Variants in SYTL2 observed in about 807,000 individuals in gnomAD.
SYTL2 encodes the protein synaptotagmin-like protein 2.
A neutral mutation model predicts 198.7 loss-of-function variants in SYTL2; 165 were observed. That is an observed-to-expected ratio of 0.83 (90% CI 0.73 to 0.94). SYTL2 has a LOEUF of 0.94. Among genes scored for constraint, SYTL2 ranks in the 40% least tolerant of loss-of-function variants. SYTL2 has a pLI of 0.00. For synonymous variants in SYTL2, 966 were observed against 917.7 expected, an observed-to-expected ratio of 1.05 and a Z score of -0.95; for missense variants, 2,835 against 2,582.8, an observed-to-expected ratio of 1.10 and a Z score of -2.12.
chr11:85,724,175 G>A lies in SYTL2; in HGVS notation c.5183C>T (p.Ser1728Phe), dbSNP rs1461729091. 6.2e-7 allele frequency: 1 copy of A among 1,604,074 alleles called. No homozygotes were observed. The highest frequency in any genetic ancestry group is 8.5e-7 in the Non-Finnish European group (1 of 1,177,552). The stretch of plus-strand genomic sequence containing the variant: ...CAATTCAACTTTACTTGTTTTTGTA[G>A]AGTTTTCTTTGTTCATCAGGAGAGG... ...PIPLLMNKENSTKTSKVELTL... is the reference protein window; with the variant it reads ...PIPLLMNKENFTKTSKVELTL... The change falls in exon 8 of 20, where the codon TCT (serine) becomes TTT (phenylalanine). Residue 1728 changes from serine (S) to phenylalanine (F), a missense_variant. Ser to Phe is a radical substitution (Grantham distance 155). Transcript: ENST00000359152.
intron 1 of SYTL2, among the ~76,000 whole-genome samples, chr11:85,766,039 A>G (rs1218638889): frequency 6.6e-6 from 1 of 152,182 alleles, no homozygotes; most frequent in Non-Finnish European, 1.5e-5. Flanking sequence ...TAGGAAGGAG[A>G]TAAAATGAGG....
intron 1 of SYTL2, among the ~76,000 whole-genome samples, chr11:85,781,582 C>T (rs1235998758): frequency 6.6e-6 from 1 of 152,148 alleles, no homozygotes; most frequent in African/African-American, 2.4e-5. Flanking sequence ...CAAACCAAGT[C>T]CCTTATACTT....
At chr11:85,742,386 C>T (rs951281760) in intron 4 of SYTL2, among the ~76,000 whole-genome samples, 4 of 152,212 alleles carry the variant, frequency 2.6e-5, no homozygotes, top group Non-Finnish European at 5.9e-5. Flanking sequence ...CGGACAGGGT[C>T]CTGACCTTCA....
At chr11:85,853,262 C>A in the SYTL2 span, 58,952 of 430,930 alleles carry the variant, frequency 0.14, 5,057 homozygotes, top group Non-Finnish European at 0.17. Context: ...AGATTGTTGC[C>A]GTGTCTTGAG....
At position 85,766,528 on chromosome 11, in the gene SYTL2, A is replaced by G. The variant is rs144526365; in HGVS notation, c.-389-8414T>C. On this transcript the variant is annotated intron_variant, in intron 1 of 19. Transcript: ENST00000359152. ...AGCTGCTGCAAAAGCCACCATATCC[A>G]TGGGCTTTTATTAACTACACAGCTT... 7.1e-4 allele frequency among the ~76,000 whole-genome samples: 108 copies of G among 152,318 alleles called. 1 individual carries two copies. The highest frequency in any genetic ancestry group is 2.3e-3 in the African/African-American group (97 of 41,568).
At chr11:85,771,125 C>T (rs529620293) in intron 1 of SYTL2, among the ~76,000 whole-genome samples, 28 of 152,288 alleles carry the variant, frequency 1.8e-4, no homozygotes, top group African/African-American at 6.5e-4. Flanking sequence ...GGATTTTTGT[C>T]CATTTTTAGC....
At chr11:85,743,661 T>C (rs1407146587) in intron 4 of SYTL2, among the ~76,000 whole-genome samples, 7 of 152,138 alleles carry the variant, frequency 4.6e-5, no homozygotes, top group Admixed American at 2.6e-4. Context: ...TTGAATACTA[T>C]GTTATTAGCC....
At chr11:85,748,518 T>A in intron 2 of SYTL2, 95 bp from the exon 3 acceptor site, 1 of 1,313,818 alleles carries the variant, frequency 7.6e-7, no homozygotes, top group Non-Finnish European at 1.1e-6. Flanking sequence ...AACACACAGA[T>A]AAAATGAAGC....
the SYTL2 span, among the ~76,000 whole-genome samples, chr11:85,850,263 A>T: frequency 6.6e-6 from 1 of 151,458 alleles, no homozygotes; most frequent in Admixed American, 6.6e-5. Flanking sequence ...TCTTTTCCTA[A>T]TTGAATACCC....
At chr11:85,703,741 C>G (rs937837838) in intron 16 of SYTL2, among the ~76,000 whole-genome samples, 1 of 152,004 alleles carries the variant, frequency 6.6e-6, no homozygotes, top group African/African-American at 2.4e-5. Flanking sequence ...ACGGTAATGT[C>G]TTATGGGACT....
chr11:85,725,842 A>G lies in SYTL2; in HGVS notation c.3516T>C (p.Pro1172=). ...CAGTATCAGCAAAATCTGTTTTTTG[A>G]GGCCATGTCCTATTTTCAGAAACAC... is the stretch of plus-strand genomic sequence containing the variant. ...EPSVSENRTW[P]QKTDFADTEE... is the part of the protein sequence containing the mutation. Residue 1172 remains proline (P), a synonymous_variant, in exon 8 of 20, where the codon CCT becomes CCC. Transcript: ENST00000359152. 1.2e-6 allele frequency: 2 copies of G among 1,613,852 alleles called. No homozygotes were observed. The highest frequency in any genetic ancestry group is 1.7e-6 in the Non-Finnish European group (2 of 1,179,926).
chr11:85,703,271 A>G (rs1176699517), intron 16 of SYTL2, among the ~76,000 whole-genome samples: 2 of 152,204 alleles, frequency 1.3e-5, no homozygotes, highest in Non-Finnish European at 2.9e-5. Flanking sequence ...ACCAAAACAT[A>G]GATAGATTCA....
rs923186999 is a variant in SYTL2, at chr11:85,723,865, AT to A, written c.5326+166del. Among the ~76,000 whole-genome samples, 3 of 151,186 alleles carry A rather than the reference AT, an allele frequency of 2.0e-5. 1 individual carries two copies. Among genetic ancestry groups the A allele is most frequent in the Non-Finnish European group, 4.4e-5 (3 of 67,978 alleles). On this transcript the variant is annotated intron_variant, in intron 8 of 19. Coordinates refer to ENST00000359152, the MANE Select transcript of SYTL2 (RefSeq NM_206927.4). The stretch of plus-strand genomic sequence containing the variant: ...ATTATGTAATGCATTTGATTAAAAA[AT>A]ATAAATAATTTTTTTAATTAAGAAA...
chr11:85,698,164 T>C (rs1591530878), intron 17 of SYTL2, 86 bp from the exon 18 acceptor site: 2 of 847,412 alleles, frequency 2.4e-6, no homozygotes, highest in East Asian at 5.0e-5. Context: ...AAAAATGTTC[T>C]GGCATGGAGA....
In SYTL2 at chr11:85,714,511, A is replaced by G; in HGVS notation, c.5531-4T>C. Reference sequence around the variant, plus strand: ...GGTTGTGTAGGCACTGTGGAAACTAAACAGCAGCATTTCCATTTCAAAATT... The same window carrying G: ...GGTTGTGTAGGCACTGTGGAAACTAGACAGCAGCATTTCCATTTCAAAATT... On this transcript the variant is annotated splice_polypyrimidine_tract_variant and splice_region_variant and intron_variant, in intron 11 of 19. Coordinates refer to ENST00000359152, the MANE Select transcript of SYTL2 (RefSeq NM_206927.4). 6.2e-7 allele frequency: 1 copy of G among 1,609,716 alleles called. No individual in the cohort carries two copies. The highest frequency in any genetic ancestry group is 1.1e-5 in the South Asian group (1 of 90,842).
chr11:85,830,780 T>C, the SYTL2 span, among the ~76,000 whole-genome samples: 3 of 152,232 alleles, frequency 2.0e-5, no homozygotes, highest in Admixed American at 1.3e-4. Context: ...CCCAGTTTCC[T>C]GCAGCAGAAA....
intron 11 of SYTL2, among the ~76,000 whole-genome samples, chr11:85,715,756 T>C (rs2087114881): frequency 6.6e-6 from 1 of 152,164 alleles, no homozygotes; most frequent in Non-Finnish European, 1.5e-5. Context: ...AATGTGTGTG[T>C]ATTAGGGAGA....
rs2088827008 is a variant in SYTL2, at chr11:85,724,429, T to C, written c.4929A>G (p.Ala1643=). The C allele has an allele frequency of 6.2e-7, 1 of 1,608,916 alleles. No individual in the cohort carries two copies. Reference sequence around the variant, plus strand: ...AATCTACCAATAAATCAGTCACAAGTGCGTCTCCTCCCAACATTTTATCAC... The same window carrying C: ...AATCTACCAATAAATCAGTCACAAGCGCGTCTCCTCCCAACATTTTATCAC... The part of the protein sequence containing the change: ...NQCDKMLGGD[A]LVTDLLVDFC... Residue 1643 remains alanine (A), a synonymous_variant, in exon 8 of 20, where the codon GCA becomes GCG. Coordinates refer to ENST00000359152, the MANE Select transcript of SYTL2 (RefSeq NM_206927.4).
the SYTL2 span, among the ~76,000 whole-genome samples, chr11:85,818,490 C>CA: frequency 0.26 from 39,636 of 151,774 alleles, 5,602 homozygotes; most frequent in African/African-American, 0.31. Context: ...AGCCCTGGAC[C>CA]GGGGGTCATA....
Sources: allele counts gnomAD v4.1 joint callset (sites outside exome capture counted in the v4.1 genomes callset), GRCh38; gene constraint gnomAD v4.1.1; transcripts MANE v1.5; gene names NCBI Gene and HGNC (gene_info 2026-07-23, HGNC 2026-07-21).